KCNIP4: variants seen among roughly 807,000 people sequenced by gnomAD.
KCNIP4 encodes the protein potassium voltage-gated channel interacting protein 4.
KCNIP4 carries 12 observed loss-of-function variants against 34.0 expected under a neutral mutation model. The ratio of observed to expected loss-of-function variants is 0.35; its 90% CI spans 0.23 to 0.57. KCNIP4 has a LOEUF of 0.57. Ranked by LOEUF, KCNIP4 falls within the 20% of genes least tolerant of loss-of-function variation. The pLI, the probability that KCNIP4 is intolerant of heterozygous loss-of-function variation, is 0.83. For missense variants in KCNIP4, 238 were observed against 311.7 expected, an observed-to-expected ratio of 0.76 and a Z score of 1.78; for synonymous variants, 124 against 102.2, an observed-to-expected ratio of 1.21 and a Z score of -1.29.
intron 2 of KCNIP4, among the ~76,000 whole-genome samples, chr4:20,865,509 C>A (rs1722789501): frequency 6.6e-6 from 1 of 151,942 alleles, no homozygotes; most frequent in Admixed American, 6.6e-5. Flanking sequence ...CTGATATATA[C>A]AATGGAATAC....
chr4:21,791,773 G>A (rs1160546500), intron 1 of KCNIP4, among the ~76,000 whole-genome samples: 1 of 151,884 alleles, frequency 6.6e-6, no homozygotes, highest in Admixed American at 6.6e-5. Flanking sequence ...AGGCCGAGGT[G>A]GGCGGATCAC....
intron 4 of KCNIP4, among the ~76,000 whole-genome samples, chr4:20,757,520 T>C (rs1188419002): frequency 2.0e-5 from 3 of 152,076 alleles, no homozygotes; most frequent in African/African-American, 4.8e-5. Flanking sequence ...TCACCCTCCA[T>C]TGTACACTCT....
chr4:20,945,279 C>T (rs11932142), intron 1 of KCNIP4, among the ~76,000 whole-genome samples: 3,600 of 152,246 alleles, frequency 0.024, 127 homozygotes, highest in African/African-American at 0.074. Context: ...GGAGGTCATT[C>T]AACCATCTTA....
intron 1 of KCNIP4, among the ~76,000 whole-genome samples, chr4:21,216,172 G>T (rs186843844): frequency 6.6e-6 from 1 of 152,106 alleles, no homozygotes; most frequent in African/African-American, 2.4e-5. Flanking sequence ...CAAGGATCAG[G>T]TTTTTTGGGC....
intron 1 of KCNIP4, among the ~76,000 whole-genome samples, chr4:21,713,303 A>T (rs928208573): frequency 1.3e-5 from 2 of 152,230 alleles, no homozygotes; most frequent in African/African-American, 4.8e-5. Context: ...ATCTTTCTAA[A>T]GCAAGTATCA....
chr4:20,986,104 A>G (rs1026068569), intron 1 of KCNIP4, among the ~76,000 whole-genome samples: 1 of 151,958 alleles, frequency 6.6e-6, no homozygotes, highest in East Asian at 1.9e-4. Context: ...GGAAGTTCCA[A>G]CTCTTCAGAG....
At chr4:20,962,381 C>T (rs1463002442) in intron 1 of KCNIP4, among the ~76,000 whole-genome samples, 9 of 152,186 alleles carry the variant, frequency 5.9e-5, no homozygotes, top group Admixed American at 1.3e-4. Flanking sequence ...CTTGCACTAA[C>T]CAAAGCCTCC....
chr4:20,913,278 G>A (rs534094679), intron 1 of KCNIP4, among the ~76,000 whole-genome samples: 3 of 152,088 alleles, frequency 2.0e-5, no homozygotes, highest in Admixed American at 1.3e-4. Context: ...AAAGAAGTCC[G>A]ACTCAAAATG....
chr4:20,883,165 T>C (rs1320416574), intron 1 of KCNIP4, among the ~76,000 whole-genome samples: 1 of 152,190 alleles, frequency 6.6e-6, no homozygotes, highest in Non-Finnish European at 1.5e-5. Context: ...CAGAGATAGA[T>C]GCTTCACATA....
chr4:21,686,409 G>A (rs1024057059), intron 1 of KCNIP4, among the ~76,000 whole-genome samples: 6 of 152,072 alleles, frequency 3.9e-5, no homozygotes, highest in Admixed American at 2.6e-4. Context: ...TTGAAGATGG[G>A]AAGAACCTAT....
intron 5 of KCNIP4, among the ~76,000 whole-genome samples, chr4:20,741,203 G>C (rs569835178): frequency 5.3e-5 from 8 of 152,136 alleles, no homozygotes; most frequent in Non-Finnish European, 1.0e-4. Flanking sequence ...CTTGAACTCA[G>C]CTCTGCAGCA....
chr4:20,990,201 C>T (rs184211699), intron 1 of KCNIP4, among the ~76,000 whole-genome samples: 3 of 152,144 alleles, frequency 2.0e-5, no homozygotes, highest in Admixed American at 6.5e-5. Flanking sequence ...CTCTACTCTA[C>T]CCTCAACATC....
Position 21,589,263 on chromosome 4 carries a change from CAG to C in KCNIP4, c.61+359306_61+359307del, listed in dbSNP as rs1560540526. 2.0e-3 allele frequency among the ~76,000 whole-genome samples: 210 copies of C among 105,330 alleles called. 8 individuals are homozygous for C. The South Asian group carries it at 0.056, about 28-fold the overall frequency. 69.1% of individuals were successfully genotyped at this position (105,330 alleles called of 152,430 possible). ...ACATATATACATATATGTATCTATACAGATACATATATGTATAGATACATATA... is the reference window on the plus strand; with the variant it reads ...ACATATATACATATATGTATCTATACATACATATATGTATAGATACATATA... On this transcript the variant is annotated intron_variant, in intron 1 of 8. Transcript: ENST00000382152.
intron 1 of KCNIP4, among the ~76,000 whole-genome samples, chr4:21,456,484 A>C (rs1421324236): frequency 1.4e-5 from 2 of 148,130 alleles, no homozygotes; most frequent in African/African-American, 2.6e-5. Context: ...ATATTTTCTT[A>C]ATTTATATTT....
intron 1 of KCNIP4, among the ~76,000 whole-genome samples, chr4:21,762,053 C>T (rs1718093492): frequency 6.6e-6 from 1 of 152,046 alleles, no homozygotes; most frequent in Non-Finnish European, 1.5e-5. Context: ...ATTACAATGA[C>T]ACTTTCTAAC....
In KCNIP4 at chr4:21,113,468, A is replaced by C. The variant is rs1749417585; in HGVS notation, c.62-230759T>G. Among the ~76,000 whole-genome samples the C allele has an allele frequency of 4.0e-5, 6 of 150,700 alleles. No individual in the cohort carries two copies. The South Asian group carries it at 1.3e-3, about 31-fold the overall frequency. On this transcript the variant is annotated intron_variant, in intron 1 of 8. Transcript: ENST00000382152. ...TATCTATAAGTTTAAAAAAAAAAAA[A>C]AAAAAAAAAAAAGGAAAGCTATACT...
chr4:21,915,783 G>C (rs1410634108), intron 1 of KCNIP4, among the ~76,000 whole-genome samples: 1 of 152,164 alleles, frequency 6.6e-6, no homozygotes, highest in Non-Finnish European at 1.5e-5. Context: ...TTAATGTCAG[G>C]CTCTGAATTT....
At chr4:21,088,122 C>T (rs1485722857) in intron 1 of KCNIP4, among the ~76,000 whole-genome samples, 2 of 69,190 alleles carry the variant, frequency 2.9e-5, no homozygotes, top group African/African-American at 1.4e-4. Flanking sequence ...GAAATGTTGG[C>T]CCCCTTCAAG....
At chr4:21,929,824 C>A (rs2109006434) in intron 1 of KCNIP4, among the ~76,000 whole-genome samples, 1 of 152,260 alleles carries the variant, frequency 6.6e-6, no homozygotes, top group Admixed American at 6.5e-5. Context: ...CTTAACCATG[C>A]AAAGCACTTA....
Sources: gnomAD v4.1 joint callset for allele counts (sites outside exome capture counted in the v4.1 genomes callset) on GRCh38, gnomAD v4.1.1 for gene constraint, MANE v1.5 for transcripts, NCBI Gene and HGNC (gene_info 2026-07-23, HGNC 2026-07-21) for gene names.